Variants in INPP4B observed in about 807,000 individuals in gnomAD.
The protein encoded by INPP4B is inositol polyphosphate 4-phosphatase type II.
Under a neutral mutation model 122.5 loss-of-function variants are expected in INPP4B, and 55 were observed. The observed-to-expected ratio is 0.45, with a 90% CI of 0.36 to 0.56. INPP4B has a LOEUF of 0.56. Among genes scored for constraint, INPP4B ranks in the 20% least tolerant of loss-of-function variants. The pLI is 0.00. For synonymous variants in INPP4B, 403 were observed against 388.7 expected, an observed-to-expected ratio of 1.04 and a Z score of -0.43; for missense variants, 1,000 against 1,097.7, an observed-to-expected ratio of 0.91 and a Z score of 1.26.
chr4:142,358,970 T>C (rs895550808), intron 7 of INPP4B, among the ~76,000 whole-genome samples: 5 of 151,992 alleles, frequency 3.3e-5, no homozygotes, highest in African/African-American at 1.2e-4. Context: ...TTTCGGATAC[T>C]TTCCGTGTTT....
At chr4:142,442,222 C>T (rs1811904096) in intron 3 of INPP4B, among the ~76,000 whole-genome samples, 2 of 151,646 alleles carry the variant, frequency 1.3e-5, no homozygotes, top group South Asian at 2.1e-4. Flanking sequence ...ACCAGCCTGG[C>T]CAACATGGTG....
intron 8 of INPP4B, among the ~76,000 whole-genome samples, chr4:142,308,469 G>A (rs1409865224): frequency 1.3e-5 from 2 of 152,028 alleles, no homozygotes; most frequent in African/African-American, 2.4e-5. Flanking sequence ...CAAACAATGG[G>A]ATTGCCTATA....
chr4:142,495,213 A>T (rs1363095679), intron 2 of INPP4B, among the ~76,000 whole-genome samples: 1 of 145,890 alleles, frequency 6.9e-6, no homozygotes, highest in African/African-American at 2.5e-5. Flanking sequence ...CTTTAGTAAC[A>T]TTTCCTTGGG....
At chr4:142,366,308 G>C (rs907666649) in intron 7 of INPP4B, among the ~76,000 whole-genome samples, 19 of 149,382 alleles carry the variant, frequency 1.3e-4, no homozygotes, top group Non-Finnish European at 2.7e-4. Flanking sequence ...CCTGCACCCA[G>C]GTGAAATAAA....
chr4:142,403,074 C>A lies in INPP4B; in HGVS notation c.256-20G>T, dbSNP rs1802158729. ...TGTTCCCTGTAACAGCACAAGCAGACAACTTTGATTCAATAAGGCAGCAAC... is the reference window on the plus strand; with the variant it reads ...TGTTCCCTGTAACAGCACAAGCAGAAAACTTTGATTCAATAAGGCAGCAAC... On this transcript the variant is annotated intron_variant, in intron 6 of 25. Coordinates refer to ENST00000262992, the MANE Select transcript of INPP4B (RefSeq NM_001101669.3). The A allele has an allele frequency of 7.3e-7, 1 of 1,369,104 alleles. No individual in the cohort carries two copies. Among genetic ancestry groups the A allele is most frequent in the East Asian group, 2.3e-5 (1 of 43,670 alleles). The allele number at this position is 1,369,104 out of a possible 1,614,324, so 84.8% of individuals were successfully genotyped here.
chr4:142,338,968 G>C (rs1008674409), intron 7 of INPP4B, among the ~76,000 whole-genome samples: 1 of 151,896 alleles, frequency 6.6e-6, no homozygotes, highest in Non-Finnish European at 1.5e-5. Flanking sequence ...AGGGGAGAAC[G>C]GAGGGTCCAG....
At chr4:142,228,462 TTTG>T (rs1348211049) in intron 12 of INPP4B, among the ~76,000 whole-genome samples, 17 of 152,194 alleles carry the variant, frequency 1.1e-4, no homozygotes, top group Admixed American at 5.9e-4. Context: ...TAAAAGTAAT[TTTG>T]TTGTTGTTGT....
chr4:142,404,925 T>TA (rs1335727719), intron 6 of INPP4B, among the ~76,000 whole-genome samples: 1 of 141,932 alleles, frequency 7.0e-6, no homozygotes, highest in Non-Finnish European at 1.5e-5. Flanking sequence ...GGGAGAAAAA[T>TA]AAACTCTTTG....
Position 142,821,860 on chromosome 4 carries a change from AAAG to A in INPP4B, c.-254+24346_-254+24348del, listed in dbSNP as rs919095073. On this transcript the variant is annotated intron_variant, in intron 1 of 25. Transcript: ENST00000262992. ...CACCAAAAGGAGTCACTGTCACATC[AAAG>A]AAGAAGTGAGGGTGTGGGGAAGTCT... Among the ~76,000 whole-genome samples the A allele has an allele frequency of 8.5e-5, 13 of 152,156 alleles. 1 individual carries two copies. Among genetic ancestry groups the A allele is most frequent in the Admixed American group, 2.0e-4 (3 of 15,268 alleles).
intron 1 of INPP4B, among the ~76,000 whole-genome samples, chr4:142,726,733 T>C (rs554008932): frequency 2.0e-5 from 3 of 152,310 alleles, no homozygotes; most frequent in Non-Finnish European, 4.4e-5. Context: ...CATTGATTAA[T>C]TGACTAAAGC....
intron 14 of INPP4B, among the ~76,000 whole-genome samples, chr4:142,194,317 G>T (rs1837267051): frequency 6.6e-6 from 1 of 152,094 alleles, no homozygotes; most frequent in South Asian, 2.1e-4. Context: ...TAAACTAGAA[G>T]TCAGCTCTTA....
At chr4:142,061,356 G>A (rs1388427391) in intron 25 of INPP4B, among the ~76,000 whole-genome samples, 1 of 152,064 alleles carries the variant, frequency 6.6e-6, no homozygotes, top group Admixed American at 6.6e-5. Context: ...TCCAAATGCT[G>A]CAGTCTTAAA....
Position 142,150,478 on chromosome 4 carries a change from A to C in INPP4B, c.1564-4482T>G, listed in dbSNP as rs114321426. ...ATGGGGAATCGGCAGGTTAAAGTCTAATCTTTATTCAATGGAGCCAAATTG... is the reference window on the plus strand; with the variant it reads ...ATGGGGAATCGGCAGGTTAAAGTCTCATCTTTATTCAATGGAGCCAAATTG... On this transcript the variant is annotated intron_variant, in intron 17 of 25. Coordinates refer to ENST00000262992, the MANE Select transcript of INPP4B (RefSeq NM_001101669.3). Among the ~76,000 whole-genome samples, 177 of 152,330 alleles carry C rather than the reference A, an allele frequency of 1.2e-3. 1 individual carries two copies. The highest frequency in any genetic ancestry group is 4.1e-3 in the African/African-American group (169 of 41,572).
intron 25 of INPP4B, among the ~76,000 whole-genome samples, chr4:142,071,393 A>T (rs1258546989): frequency 6.6e-6 from 1 of 152,132 alleles, no homozygotes; most frequent in African/African-American, 2.4e-5. Context: ...CTAGAAGAAA[A>T]CCTAGGCATT....
At chr4:142,205,817 T>A (rs1241276572) in intron 14 of INPP4B, among the ~76,000 whole-genome samples, 3 of 152,166 alleles carry the variant, frequency 2.0e-5, no homozygotes, top group African/African-American at 7.2e-5. Context: ...CAGATAGTTC[T>A]TAAGTATTTT....
chr4:142,273,032 T>C (rs530449712), intron 9 of INPP4B, among the ~76,000 whole-genome samples: 13 of 152,134 alleles, frequency 8.5e-5, no homozygotes, highest in African/African-American at 2.6e-4. Flanking sequence ...ATATGTCATA[T>C]TGGTTAAAAG....
chr4:142,070,181 C>A (rs79089790), intron 25 of INPP4B, among the ~76,000 whole-genome samples: 1 of 152,182 alleles, frequency 6.6e-6, no homozygotes, highest in Non-Finnish European at 1.5e-5. Context: ...GCTGGTTCAA[C>A]ATACGCAAAT....
At chr4:142,031,927 G>A (rs1245993952) in intron 25 of INPP4B, among the ~76,000 whole-genome samples, 1 of 152,130 alleles carries the variant, frequency 6.6e-6, no homozygotes, top group Non-Finnish European at 1.5e-5. Flanking sequence ...TTATTTTTGA[G>A]TTGGACGAGC....
chr4:142,435,057 A>G (rs1810135641), intron 3 of INPP4B, among the ~76,000 whole-genome samples: 1 of 152,136 alleles, frequency 6.6e-6, no homozygotes. Context: ...GCTGTGTCTC[A>G]ATGGACAAAA....
Sources: gnomAD v4.1 joint callset for allele counts (sites outside exome capture counted in the v4.1 genomes callset) on GRCh38, gnomAD v4.1.1 for gene constraint, MANE v1.5 for transcripts, NCBI Gene and HGNC (gene_info 2026-07-23, HGNC 2026-07-21) for gene names.